Variants in KIZ observed in about 807,000 individuals in gnomAD.
The protein encoded by KIZ is kizuna centrosomal protein, also known as centrosomal protein kizuna.
Under a neutral mutation model 79.6 loss-of-function variants are expected in KIZ, and 68 were observed. The ratio of observed to expected loss-of-function variants is 0.85; its 90% CI spans 0.70 to 1.05. The LOEUF (loss-of-function observed/expected upper bound fraction) is 1.05, where lower values mean the gene tolerates loss of function less well. Among genes scored for constraint, KIZ ranks in the 50% least tolerant of loss-of-function variants. The pLI, the probability that KIZ is intolerant of heterozygous loss-of-function variation, is 0.00. For missense variants in KIZ, 797 were observed against 800.4 expected, an observed-to-expected ratio of 1.00 and a Z score of 0.05; for synonymous variants, 280 against 281.8, an observed-to-expected ratio of 0.99 and a Z score of 0.06.
chr20:21,218,398 C>T (rs888840577), intron 9 of KIZ: 1 of 152,072 alleles, frequency 6.6e-6, no homozygotes, highest in Non-Finnish European at 1.5e-5. Flanking sequence ...TGTGCTGCCC[C>T]ACAAGTATTG....
At chr20:21,197,462 C>T (rs921535550) in intron 6 of KIZ, 3 of 152,252 alleles carry the variant, frequency 2.0e-5, no homozygotes, top group South Asian at 2.1e-4. Context: ...AAATTTCATA[C>T]GAGTTGTGGG....
chr20:21,168,666 T>C (rs1015093057), intron 6 of KIZ, among the ~76,000 whole-genome samples: 2 of 152,160 alleles, frequency 1.3e-5, no homozygotes, highest in East Asian at 1.9e-4. Flanking sequence ...GGCATCACGC[T>C]ACCTGACTTC....
intron 6 of KIZ, chr20:21,195,032 C>T (rs1390748325): frequency 2.6e-5 from 4 of 152,132 alleles, no homozygotes; most frequent in African/African-American, 4.8e-5. Flanking sequence ...TGAGAAGACT[C>T]GGCAGAGGTG....
chr20:21,229,720 G>A (rs2036775672), intron 10 of KIZ, among the ~76,000 whole-genome samples: 1 of 151,922 alleles, frequency 6.6e-6, no homozygotes, highest in Admixed American at 6.6e-5. Flanking sequence ...GACTACAGGT[G>A]CGCACCACCA....
At chr20:21,144,277 A>G (rs1390125653) in intron 3 of KIZ, 1 of 152,218 alleles carries the variant, frequency 6.6e-6, no homozygotes, top group African/African-American at 2.4e-5. Context: ...ATTTGTAGTC[A>G]CAAGAAAAAA....
At chr20:21,212,915 G>A (rs2036128313) in intron 7 of KIZ, among the ~76,000 whole-genome samples, 1 of 152,220 alleles carries the variant, frequency 6.6e-6, no homozygotes, top group South Asian at 2.1e-4. Flanking sequence ...GGAATACTGA[G>A]CAAGTCATCC....
intron 6 of KIZ, 45 bp from the exon 7 acceptor site, chr20:21,205,446 A>T (rs770516943): frequency 5.2e-5 from 41 of 784,936 alleles, no homozygotes; most frequent in Non-Finnish European, 2.1e-6. Context: ...TGGGAATCTT[A>T]TAATATTACA....
chr20:21,143,186 G>A (rs1201479123), intron 3 of KIZ, among the ~76,000 whole-genome samples: 2 of 152,116 alleles, frequency 1.3e-5, no homozygotes, highest in African/African-American at 4.8e-5. Context: ...GATCAAATCA[G>A]CCCATTATGT....
chr20:21,147,884 G>C (rs1415245000), intron 4 of KIZ, among the ~76,000 whole-genome samples: 2 of 151,980 alleles, frequency 1.3e-5, no homozygotes, highest in South Asian at 2.1e-4. Context: ...TAGAAAATGA[G>C]CTTGGAAAGC....
intron 6 of KIZ, among the ~76,000 whole-genome samples, chr20:21,186,630 T>C (rs1031579955): frequency 6.6e-6 from 1 of 150,724 alleles, no homozygotes; most frequent in Non-Finnish European, 1.5e-5. Context: ...GGGAAGGTTC[T>C]CAAAATTATA....
rs1315221705 is a variant in KIZ at position 21,229,119 on chromosome 20, A to G, written c.1783+4A>G. ...GCTTCTGTGTCACACTTGTCAGGTA[A>G]GTAAGAGCAGATGGCAGTGTCCAGG... is the stretch of plus-strand genomic sequence containing the variant. On this transcript the variant is annotated splice_donor_region_variant and intron_variant, in intron 10 of 12. Transcript: ENST00000619189. 1 of 1,565,938 alleles carries G rather than the reference A, an allele frequency of 6.4e-7. No individual in the cohort carries two copies.
chr20:21,145,292 T>A (rs969279238), intron 3 of KIZ, among the ~76,000 whole-genome samples: 2 of 151,724 alleles, frequency 1.3e-5, no homozygotes, highest in Non-Finnish European at 2.9e-5. Context: ...CATATACATG[T>A]GTATATATAT....
intron 6 of KIZ, among the ~76,000 whole-genome samples, chr20:21,177,005 A>G (rs2034464647): frequency 6.6e-6 from 1 of 152,236 alleles, no homozygotes; most frequent in Non-Finnish European, 1.5e-5. Flanking sequence ...TCATCCATTG[A>G]TGAACATTTT....
At chr20:21,213,551 A>G (rs1367248261) in intron 7 of KIZ, 2 of 152,230 alleles carry the variant, frequency 1.3e-5, no homozygotes, top group African/African-American at 2.4e-5. Context: ...GGTCACCACC[A>G]CCACCGAGGT....
intron 6 of KIZ, among the ~76,000 whole-genome samples, chr20:21,172,882 G>C (rs1212689476): frequency 6.6e-6 from 1 of 152,148 alleles, no homozygotes; most frequent in Non-Finnish European, 1.5e-5. Flanking sequence ...GGAGAGGGAT[G>C]GGATATGTCT....
At chr20:21,228,971 TA>T (rs748525706) in intron 9 of KIZ, 39 bp from the exon 10 acceptor site, 6 of 1,149,320 alleles carry the variant, frequency 5.2e-6, no homozygotes, top group South Asian at 4.0e-5. Context: ...TTCTGGCCAG[TA>T]AAAAATGTAA....
In KIZ at chr20:21,215,584, A is replaced by C; in HGVS notation, c.1614A>C (p.Glu538Asp). Residue 538 changes from glutamate to aspartate, a missense_variant and splice_region_variant, in exon 9 of 13, where the codon GAA becomes GAC. By Grantham distance (45) the Glu-to-Asp change is conservative. Transcript: ENST00000619189. ...WLNSVPTREQ[E>D]VSSGCGDKSK... Reference sequence around the variant, plus strand: ...TTTTATTATGCATTCAATTTTTAGAAGTTTCAAGTGGCTGTGGAGACAAGA... The same window carrying C: ...TTTTATTATGCATTCAATTTTTAGACGTTTCAAGTGGCTGTGGAGACAAGA... 1 of 1,587,854 alleles carries C rather than the reference A, an allele frequency of 6.3e-7. No individual in the cohort carries two copies. Among genetic ancestry groups the C allele is most frequent in the African/African-American group, 1.3e-5 (1 of 74,416 alleles).
At chr20:21,148,289 AACTTGG>A (rs1418566598) in intron 4 of KIZ, among the ~76,000 whole-genome samples, 3 of 152,326 alleles carry the variant, frequency 2.0e-5, no homozygotes, top group African/African-American at 7.2e-5. Flanking sequence ...CATAGGCAGT[AACTTGG>A]ATGCCAAGAA....
At chr20:21,131,957 G>C (rs1454643337) in intron 1 of KIZ, 140 bp from the exon 2 acceptor site, 34 of 567,598 alleles carry the variant, frequency 6.0e-5, no homozygotes, top group Non-Finnish European at 1.0e-4. Flanking sequence ...TTTTCACAAA[G>C]GTGTGATTTG....
Sources: gnomAD v4.1 joint callset for allele counts (sites outside exome capture counted in the v4.1 genomes callset) on GRCh38, gnomAD v4.1.1 for gene constraint, MANE v1.5 for transcripts, NCBI Gene and HGNC (gene_info 2026-07-23, HGNC 2026-07-21) for gene names.